The following ANK3 variants were observed in gnomAD, a reference collection of about 807,000 sequenced individuals.
The protein encoded by ANK3 is ankyrin-3.
In ANK3, 57 loss-of-function variants were observed where a neutral mutation model predicts 370.9. That is an observed-to-expected ratio of 0.15 (90% CI 0.12 to 0.19). The LOEUF is 0.19. ANK3 is among the 10% of genes least tolerant of loss of function. The pLI is 1.00. For missense variants in ANK3, 4,439 were observed against 5,302.1 expected (o/e 0.84, Z 5.06); for synonymous variants, 1,929 against 1,946.3 (o/e 0.99, Z 0.23).
chr10:60,574,696 C>T (rs925322470), intron 2 of ANK3, among the ~76,000 whole-genome samples: 6 of 152,102 alleles, frequency 3.9e-5, no homozygotes, highest in Non-Finnish European at 8.8e-5. Context: ...GTTTATTAGT[C>T]GTGTGTCTTT....
chr10:60,440,378 A>G (rs979474617), intron 2 of ANK3, among the ~76,000 whole-genome samples: 2 of 152,300 alleles, frequency 1.3e-5, no homozygotes, highest in South Asian at 2.1e-4. Flanking sequence ...ACTTACAATC[A>G]TGGTGGAAGG....
chr10:60,366,219 G>T lies in ANK3; in HGVS notation c.114+23206C>A, dbSNP rs570205863. Among the ~76,000 whole-genome samples, 6 of 152,206 alleles carry T rather than the reference G, an allele frequency of 3.9e-5. No individual in the cohort carries two copies. The East Asian group carries it at 1.2e-3, about 30-fold the overall frequency. Reference sequence around the variant, plus strand: ...CAGGCTTGGTGGCACGCACTCCCAAGCTACTTGGGAGGCCAAGGCAAGAGG... The same window carrying T: ...CAGGCTTGGTGGCACGCACTCCCAATCTACTTGGGAGGCCAAGGCAAGAGG... On this transcript the variant is annotated intron_variant, in intron 1 of 43. Transcript: ENST00000280772.
intron 2 of ANK3, among the ~76,000 whole-genome samples, chr10:60,468,098 C>T (rs2065050550): frequency 1.3e-5 from 2 of 151,328 alleles, no homozygotes; most frequent in South Asian, 4.2e-4. Flanking sequence ...GATTCTCCTG[C>T]CTCAGCCTCC....
At chr10:60,586,392 A>T (rs980309394) in intron 2 of ANK3, among the ~76,000 whole-genome samples, 2 of 152,160 alleles carry the variant, frequency 1.3e-5, no homozygotes, top group Non-Finnish European at 2.9e-5. Context: ...TGGACCAGTG[A>T]CAGCTGTGGC....
At chr10:60,335,141 A>G (rs555007951) in intron 1 of ANK3, among the ~76,000 whole-genome samples, 54 of 152,224 alleles carry the variant, frequency 3.5e-4, no homozygotes, top group African/African-American at 1.2e-3. Flanking sequence ...AAAAATGATT[A>G]CAATCCACGG....
At chr10:60,426,298 T>C (rs2063885593) in intron 2 of ANK3, among the ~76,000 whole-genome samples, 1 of 152,090 alleles carries the variant, frequency 6.6e-6, no homozygotes, top group Non-Finnish European at 1.5e-5. Flanking sequence ...CATAAATCTA[T>C]ATTCCATCTC....
chr10:60,733,127 A>G (rs1046897027), intron 1 of ANK3: 1 of 675,270 alleles, frequency 1.5e-6, no homozygotes, highest in Non-Finnish European at 2.1e-6. Context: ...GCCCTCCCGG[A>G]GCCTCGCGGC....
At chr10:60,509,005 T>C (rs2076010634) in intron 2 of ANK3, among the ~76,000 whole-genome samples, 1 of 152,106 alleles carries the variant, frequency 6.6e-6, no homozygotes, top group South Asian at 2.1e-4. Context: ...TGCAACTCTT[T>C]CTTTACAGGA....
intron 1 of ANK3, among the ~76,000 whole-genome samples, chr10:60,283,062 C>A (rs1486690368): frequency 6.6e-6 from 1 of 152,112 alleles, no homozygotes; most frequent in Non-Finnish European, 1.5e-5. Flanking sequence ...ATTGGTGGAA[C>A]AAAATAAATG....
chr10:60,128,698 G>A (rs1160735821), intron 25 of ANK3, among the ~76,000 whole-genome samples: 3 of 151,918 alleles, frequency 2.0e-5, no homozygotes, highest in Non-Finnish European at 2.9e-5. Context: ...CTTTTTAATG[G>A]GGTTAACAAA....
upstream of ANK3, among the ~76,000 whole-genome samples, chr10:60,391,898 G>A (rs1031687525): frequency 1.3e-5 from 2 of 151,920 alleles, no homozygotes; most frequent in African/African-American, 4.8e-5. Context: ...TTGTTGCCTT[G>A]GATTTTCCCT....
chr10:60,219,544 T>C (rs556423089), intron 8 of ANK3, among the ~76,000 whole-genome samples: 1 of 152,144 alleles, frequency 6.6e-6, no homozygotes, highest in South Asian at 2.1e-4. Flanking sequence ...GCAGAAGGAA[T>C]GTGTGTTAAA....
intron 2 of ANK3, among the ~76,000 whole-genome samples, chr10:60,613,372 A>T (rs2078226242): frequency 6.6e-6 from 1 of 152,204 alleles, no homozygotes; most frequent in African/African-American, 2.4e-5. Context: ...CTATCTGAAT[A>T]GCCACTAACT....
chr10:60,111,653 T>G, intron 26 of ANK3: 1 of 434,576 alleles, frequency 2.3e-6, no homozygotes, highest in South Asian at 1.7e-5. Context: ...CTACAGACAT[T>G]GACACGATCT....
At chr10:60,168,584 A>G (rs913256016) in intron 21 of ANK3, among the ~76,000 whole-genome samples, 1 of 152,144 alleles carries the variant, frequency 6.6e-6, no homozygotes, top group African/African-American at 2.4e-5. Context: ...TGTGCAGGAC[A>G]TGCAGGTTTG....
rs112777513 is a variant in ANK3, at chr10:60,677,649, T to C, written c.57+55614A>G. On this transcript the variant is annotated intron_variant, in intron 1 of 43. Transcript: ENST00000373827. ...CAGATGGTTATGGAAGATTTAAAATTATTTATGAACGATAAAAGCACTGGC... is the reference window on the plus strand; with the variant it reads ...CAGATGGTTATGGAAGATTTAAAATCATTTATGAACGATAAAAGCACTGGC... Among the ~76,000 whole-genome samples the C allele has an allele frequency of 8.8e-4, 134 of 152,042 alleles. 1 individual carries two copies. Among genetic ancestry groups the C allele is most frequent in the Middle Eastern group, 6.8e-3 (2 of 292 alleles).
intron 2 of ANK3, among the ~76,000 whole-genome samples, chr10:60,439,707 G>A (rs1291017789): frequency 6.6e-6 from 1 of 152,154 alleles, no homozygotes; most frequent in Admixed American, 6.5e-5. Flanking sequence ...TTCTAGAGCT[G>A]ATTCTGACTA....
intron 1 of ANK3, among the ~76,000 whole-genome samples, chr10:60,281,435 G>A (rs1320916677): frequency 1.3e-5 from 2 of 152,208 alleles, no homozygotes; most frequent in African/African-American, 4.8e-5. Context: ...AGTCTTCCTA[G>A]TTGAGAACCA....
At chr10:60,685,562 T>C (rs1351499677) in intron 1 of ANK3, among the ~76,000 whole-genome samples, 1 of 152,214 alleles carries the variant, frequency 6.6e-6, no homozygotes, top group Admixed American at 6.5e-5. Context: ...AGGTTTATTA[T>C]ACAGAAATAA....
Sources: gnomAD v4.1 joint callset for allele counts (sites outside exome capture counted in the v4.1 genomes callset) on GRCh38, gnomAD v4.1.1 for gene constraint, MANE v1.5 for transcripts, NCBI Gene and HGNC (gene_info 2026-07-23, HGNC 2026-07-21) for gene names.